The following CNTN4 variants were observed in gnomAD, a reference collection of about 807,000 sequenced individuals.
CNTN4 encodes the protein contactin 4, also known as contactin-4.
Under a neutral mutation model 122.5 loss-of-function variants are expected in CNTN4, and 77 were observed. The observed-to-expected ratio is 0.63, with a 90% CI of 0.52 to 0.76. CNTN4 has a LOEUF of 0.76. Ranked by LOEUF, CNTN4 falls within the 30% of genes least tolerant of loss-of-function variation. CNTN4 has a pLI of 0.00. For missense variants in CNTN4, 1,256 were observed against 1,259.1 expected (o/e 1.00, Z 0.04); for synonymous variants, 512 against 447.0 (o/e 1.15, Z -1.83).
chr3:2,643,605 G>A (rs2082993937), intron 4 of CNTN4, among the ~76,000 whole-genome samples: 1 of 152,104 alleles, frequency 6.6e-6, no homozygotes, highest in Non-Finnish European at 1.5e-5. Context: ...TAAAAATACA[G>A]GTAAGGAATC....
chr3:2,381,931 A>C (rs1186055008), intron 3 of CNTN4, among the ~76,000 whole-genome samples: 1 of 152,182 alleles, frequency 6.6e-6, no homozygotes, highest in Non-Finnish European at 1.5e-5. Context: ...AAAATTAAAA[A>C]AATAAAATTT....
At chr3:2,392,533 A>G (rs1202659759) in intron 3 of CNTN4, among the ~76,000 whole-genome samples, 1 of 152,088 alleles carries the variant, frequency 6.6e-6, no homozygotes, top group Non-Finnish European at 1.5e-5. Flanking sequence ...ATTACACATA[A>G]TTGTATATAT....
At chr3:2,443,190 G>T (rs572090436) in intron 3 of CNTN4, among the ~76,000 whole-genome samples, 23 of 151,984 alleles carry the variant, frequency 1.5e-4, no homozygotes, top group Non-Finnish European at 2.6e-4. Flanking sequence ...GAATTCAGAG[G>T]GATAAGTTTT....
intron 6 of CNTN4, among the ~76,000 whole-genome samples, chr3:2,800,604 G>A (rs966494892): frequency 2.6e-5 from 4 of 152,092 alleles, no homozygotes; most frequent in African/African-American, 4.8e-5. Flanking sequence ...GAAGAGAATC[G>A]AGTTGAATAA....
At chr3:2,318,211 T>G (rs1327863125) in intron 2 of CNTN4, among the ~76,000 whole-genome samples, 1 of 145,020 alleles carries the variant, frequency 6.9e-6, no homozygotes, top group East Asian at 2.0e-4. Context: ...TAACGAGAAC[T>G]TGTCCCTAAA....
chr3:2,735,977 T>C (rs2089057792), intron 4 of CNTN4: 2 of 630,754 alleles, frequency 3.2e-6, no homozygotes, highest in Non-Finnish European at 6.0e-6. Context: ...CGCCTGGAAG[T>C]TGTTAGTAAA....
chr3:2,609,726 T>C (rs2081402398), intron 4 of CNTN4, among the ~76,000 whole-genome samples: 1 of 152,228 alleles, frequency 6.6e-6, no homozygotes, highest in Admixed American at 6.5e-5. Context: ...AACGTCTTTC[T>C]AGGGTAGTTT....
intron 15 of CNTN4, among the ~76,000 whole-genome samples, chr3:3,028,416 T>C (rs1410300765): frequency 6.6e-6 from 1 of 152,196 alleles, no homozygotes; most frequent in Non-Finnish European, 1.5e-5. Context: ...TCTATTTTTT[T>C]CTTTGTTTCA....
At chr3:2,148,418 C>G (rs1378665064) in intron 2 of CNTN4, among the ~76,000 whole-genome samples, 1 of 151,602 alleles carries the variant, frequency 6.6e-6, no homozygotes, top group Admixed American at 6.6e-5. Context: ...GCCTGTAGTC[C>G]CAGCTACTCA....
At chr3:2,187,453 T>C (rs2037325494) in intron 2 of CNTN4, among the ~76,000 whole-genome samples, 1 of 152,066 alleles carries the variant, frequency 6.6e-6, no homozygotes, top group Non-Finnish European at 1.5e-5. Flanking sequence ...CAGCTCTAAT[T>C]TCACCTCATA....
At chr3:2,567,408 A>G (rs1226429647) in intron 3 of CNTN4, among the ~76,000 whole-genome samples, 1 of 152,080 alleles carries the variant, frequency 6.6e-6, no homozygotes, top group Admixed American at 6.5e-5. Context: ...TCTTTAATAT[A>G]CGTTCAAAGA....
intron 3 of CNTN4, among the ~76,000 whole-genome samples, chr3:2,446,725 A>G (rs1247549991): frequency 6.6e-6 from 1 of 152,194 alleles, no homozygotes; most frequent in Non-Finnish European, 1.5e-5. Context: ...CATATGTTCT[A>G]CTTCACGTTA....
At chr3:2,343,824 A>G (rs1339568401) in intron 3 of CNTN4, among the ~76,000 whole-genome samples, 1 of 152,152 alleles carries the variant, frequency 6.6e-6, no homozygotes, top group Non-Finnish European at 1.5e-5. Context: ...GTTATTTACA[A>G]GGAAAGAGGT....
intron 2 of CNTN4, among the ~76,000 whole-genome samples, chr3:2,307,286 G>T (rs549508558): frequency 7.5e-4 from 114 of 152,084 alleles, no homozygotes; most frequent in African/African-American, 2.6e-3. Context: ...ATACAAAAAT[G>T]TAGCCGGGCG....
At chr3:2,305,000 A>G (rs1466706942) in intron 2 of CNTN4, among the ~76,000 whole-genome samples, 1 of 151,992 alleles carries the variant, frequency 6.6e-6, no homozygotes, top group Non-Finnish European at 1.5e-5. Context: ...GAATAATAAT[A>G]AGGGTGTTAA....
intron 2 of CNTN4, among the ~76,000 whole-genome samples, chr3:2,129,264 C>CAAAA (rs11390812): frequency 1.9e-4 from 12 of 63,822 alleles, no homozygotes; most frequent in South Asian, 4.8e-4. Flanking sequence ...TCCAAACCTG[C>CAAAA]AAAAAAAAAA....
chr3:2,864,164 G>T (rs888803055), intron 7 of CNTN4, among the ~76,000 whole-genome samples: 10 of 152,106 alleles, frequency 6.6e-5, no homozygotes, highest in Non-Finnish European at 1.3e-4. Context: ...CACATAATCG[G>T]TTGCTCACCA....
intron 3 of CNTN4, among the ~76,000 whole-genome samples, chr3:2,510,964 G>A (rs2076869376): frequency 6.6e-6 from 1 of 152,032 alleles, no homozygotes; most frequent in African/African-American, 2.4e-5. Context: ...AGTATTCAAT[G>A]AAGAGGCACG....
At chr3:2,552,693 A>G (rs1430715875) in intron 3 of CNTN4, among the ~76,000 whole-genome samples, 1 of 152,120 alleles carries the variant, frequency 6.6e-6, no homozygotes, top group East Asian at 1.9e-4. Flanking sequence ...AAGAGAGGAG[A>G]CTTTATTTTA....
Sources: gnomAD v4.1 joint callset for allele counts (sites outside exome capture counted in the v4.1 genomes callset) on GRCh38, gnomAD v4.1.1 for gene constraint, MANE v1.5 for transcripts, NCBI Gene and HGNC (gene_info 2026-07-23, HGNC 2026-07-21) for gene names.